Variants in CNOT6 observed in about 807,000 individuals in gnomAD.
CNOT6 encodes the protein carbon catabolite repression 4 protein.
A neutral mutation model predicts 61.2 loss-of-function variants in CNOT6; 12 were observed. That is an observed-to-expected ratio of 0.20 (90% CI 0.13 to 0.32). CNOT6 has a LOEUF of 0.32. CNOT6 is among the 10% of genes least tolerant of loss of function. CNOT6 has a pLI of 1.00. For synonymous variants in CNOT6, 225 were observed against 240.6 expected (o/e 0.94, Z 0.60); for missense variants, 405 against 663.9 (o/e 0.61, Z 4.28).
At chr5:180,554,990 G>A (rs142386952) in intron 4 of CNOT6, among the ~76,000 whole-genome samples, 1 of 151,360 alleles carries the variant, frequency 6.6e-6, no homozygotes, top group Non-Finnish European at 1.5e-5. Flanking sequence ...TTGAAGTTAG[G>A]GTCACCAGTC....
intron 1 of CNOT6, among the ~76,000 whole-genome samples, chr5:180,503,669 C>T (rs1756994892): frequency 7.3e-6 from 1 of 137,702 alleles, no homozygotes; most frequent in Admixed American, 7.8e-5. Flanking sequence ...GCAGGGGCGC[C>T]ATCTTGGCTT....
At chr5:180,560,182 T>G (rs1760095142) in intron 4 of CNOT6, among the ~76,000 whole-genome samples, 1 of 152,116 alleles carries the variant, frequency 6.6e-6, no homozygotes, top group Non-Finnish European at 1.5e-5. Flanking sequence ...CCTGACCTCA[T>G]GATCCACCCA....
At chr5:180,513,924 G>A (rs574135225) in intron 1 of CNOT6, among the ~76,000 whole-genome samples, 3 of 151,566 alleles carry the variant, frequency 2.0e-5, no homozygotes, top group East Asian at 2.0e-4. Context: ...AGATGGTCTC[G>A]ATCTCCTGAC....
At chr5:180,506,198 C>G (rs1457989064) in intron 1 of CNOT6, among the ~76,000 whole-genome samples, 1 of 152,098 alleles carries the variant, frequency 6.6e-6, no homozygotes, top group African/African-American at 2.4e-5. Context: ...AACTGTGGGT[C>G]TCAGTTTCGT....
At chr5:180,539,864 C>T (rs939505443) in intron 2 of CNOT6, among the ~76,000 whole-genome samples, 3 of 152,068 alleles carry the variant, frequency 2.0e-5, no homozygotes, top group South Asian at 4.1e-4. Flanking sequence ...GCTGGGATTA[C>T]AGGCGTGAGC....
Position 180,526,482 on chromosome 5 carries a change from T to A in CNOT6, c.-2-2793T>A, listed in dbSNP as rs556153265. ...GTTCGTAGAAAGGGCCCTTCTGGCATTCTGTTTCACTGCGAAAGTCAGGTC... is the reference window on the plus strand; with the variant it reads ...GTTCGTAGAAAGGGCCCTTCTGGCAATCTGTTTCACTGCGAAAGTCAGGTC... On this transcript the variant is annotated intron_variant, in intron 1 of 11. Coordinates refer to ENST00000261951, the MANE Select transcript of CNOT6 (RefSeq NM_001370472.1). 1.1e-4 allele frequency among the ~76,000 whole-genome samples: 17 copies of A among 152,332 alleles called. No individual in the cohort carries two copies. In the South Asian group the frequency reaches 3.3e-3, roughly 30 times the overall value.
intron 4 of CNOT6, among the ~76,000 whole-genome samples, chr5:180,563,276 C>T (rs917181800): frequency 6.7e-5 from 10 of 149,672 alleles, no homozygotes; most frequent in East Asian, 2.0e-4. Context: ...AGTGCAGTGG[C>T]GCGATCTTGG....
Position 180,577,361 on chromosome 5 carries a change from G to A in CNOT6, c.*3161G>A, listed in dbSNP as rs564290692. The A allele has an allele frequency of 1.0e-4, 16 of 152,664 alleles. No homozygotes were observed. The highest frequency in any genetic ancestry group is 3.9e-4 in the African/African-American group (16 of 41,530). 9.5% of individuals were successfully genotyped at this position (152,664 alleles called of 1,614,324 possible). A position where few individuals can be genotyped will look rare whatever the true frequency, so the allele number is the denominator to read the frequency against. ...TCAATAATAATATTCAAGTTTTAGA[G>A]TTTCACTTTGTACTATTTAAATTTA... On this transcript the variant is annotated 3_prime_UTR_variant, in exon 12 of 12. Transcript: ENST00000261951.
At chr5:180,546,526 T>C (rs1759321798) in intron 2 of CNOT6, among the ~76,000 whole-genome samples, 3 of 152,256 alleles carry the variant, frequency 2.0e-5, no homozygotes, top group Admixed American at 2.0e-4. Flanking sequence ...AGTACACTTT[T>C]GTTTCCTCCT....
At chr5:180,505,141 T>C (rs1256742160) in intron 1 of CNOT6, among the ~76,000 whole-genome samples, 1 of 149,598 alleles carries the variant, frequency 6.7e-6, no homozygotes, top group Non-Finnish European at 1.5e-5. Flanking sequence ...TTTGTATTTT[T>C]AGTAGAGACG....
At chr5:180,520,346 A>G (rs1757826170) in intron 1 of CNOT6, among the ~76,000 whole-genome samples, 1 of 152,144 alleles carries the variant, frequency 6.6e-6, no homozygotes, top group Non-Finnish European at 1.5e-5. Context: ...CTTCAAAGTT[A>G]AAAGTTAAGG....
chr5:180,509,776 G>T (rs1408010863), intron 1 of CNOT6, among the ~76,000 whole-genome samples: 2 of 150,860 alleles, frequency 1.3e-5, no homozygotes, highest in Non-Finnish European at 2.9e-5. Flanking sequence ...GAACTCCTGG[G>T]CTGAAGTGAT....
intron 2 of CNOT6, among the ~76,000 whole-genome samples, chr5:180,536,027 A>AC (rs1758677882): frequency 1.0e-5 from 1 of 100,130 alleles, no homozygotes; most frequent in Non-Finnish European, 1.9e-5. Context: ...TGACAGTCTC[A>AC]CTCTGTTGCC....
At chr5:180,559,367 A>G (rs185582989) in intron 4 of CNOT6, among the ~76,000 whole-genome samples, 102 of 152,226 alleles carry the variant, frequency 6.7e-4, no homozygotes, top group African/African-American at 2.4e-3. Context: ...GTTATTTTCT[A>G]TCTCTGGCAA....
chr5:180,528,209 G>A (rs1011567229), intron 1 of CNOT6, among the ~76,000 whole-genome samples: 2 of 152,178 alleles, frequency 1.3e-5, no homozygotes, highest in South Asian at 4.1e-4. Flanking sequence ...TTCTAATTAT[G>A]TAACTCTTTT....
Position 180,569,111 on chromosome 5 carries a change from C to T in CNOT6, c.1029C>T (p.Ser343=), listed in dbSNP as rs6877400. ...ELRKESIEMP[S]GKPHLGTEKQ... ...TTGTTTCGTTTTTATCTAATGTAGCCGGAAAGCCACATCTTGGAACAGAAA... is the reference window on the plus strand; with the variant it reads ...TTGTTTCGTTTTTATCTAATGTAGCTGGAAAGCCACATCTTGGAACAGAAA... The change falls in exon 10 of 12, where the codon TCC becomes TCT. Residue 343 remains serine (S), a splice_region_variant and synonymous_variant. Transcript: ENST00000261951. The T allele has an allele frequency of 0.9, 1,444,036 of 1,610,798 alleles. 648,706 individuals carry two copies. The highest frequency in any genetic ancestry group is 1 in the East Asian group (44,825 of 44,834).
intron 3 of CNOT6, among the ~76,000 whole-genome samples, chr5:180,552,680 G>A (rs927257909): frequency 1.3e-5 from 2 of 151,844 alleles, no homozygotes; most frequent in African/African-American, 4.8e-5. Flanking sequence ...AAAACTGCAT[G>A]CGTTACATTG....
chr5:180,541,431 T>C (rs1759030187), intron 2 of CNOT6, among the ~76,000 whole-genome samples: 1 of 117,560 alleles, frequency 8.5e-6, no homozygotes, highest in African/African-American at 3.1e-5. Context: ...CCACCACAAC[T>C]GGCCAAGAAA....
intron 4 of CNOT6, among the ~76,000 whole-genome samples, chr5:180,560,171 T>C (rs1208716735): frequency 6.6e-6 from 1 of 152,116 alleles, no homozygotes; most frequent in African/African-American, 2.4e-5. Context: ...GGTCTTGAAC[T>C]CCTGACCTCA....
Sources: allele counts gnomAD v4.1 joint callset (sites outside exome capture counted in the v4.1 genomes callset), GRCh38; gene constraint gnomAD v4.1.1; transcripts MANE v1.5; gene names NCBI Gene and HGNC (gene_info 2026-07-23, HGNC 2026-07-21).